Variants in PIK3CB observed in about 807,000 individuals in gnomAD.
The protein encoded by PIK3CB is phosphatidylinositol-4,5-bisphosphate 3-kinase catalytic subunit beta.
PIK3CB carries 39 observed loss-of-function variants against 136.8 expected under a neutral mutation model. The observed-to-expected ratio is 0.29, with a 90% CI of 0.22 to 0.37. PIK3CB has a LOEUF of 0.37. Ranked by LOEUF, PIK3CB falls within the 10% of genes least tolerant of loss-of-function variation. The probability of loss-of-function intolerance (pLI) is 1.00; values close to 1 mark genes in which losing one functional copy is unlikely to be tolerated. For synonymous variants in PIK3CB, 428 were observed against 436.6 expected (o/e 0.98, Z 0.25); for missense variants, 868 against 1,275.4 (o/e 0.68, Z 4.87).
intron 4 of PIK3CB, among the ~76,000 whole-genome samples, chr3:138,750,271 G>A (rs1225521942): frequency 1.3e-5 from 2 of 151,610 alleles, no homozygotes; most frequent in Non-Finnish European, 2.9e-5. Flanking sequence ...ATTTCTTTGT[G>A]AAGAGAACAT....
chr3:138,823,523 T>C (rs1933652995), intron 1 of PIK3CB, among the ~76,000 whole-genome samples: 2 of 151,642 alleles, frequency 1.3e-5, no homozygotes, highest in Non-Finnish European at 2.9e-5. Flanking sequence ...GGCAACATGG[T>C]GAAACCTCGT....
chr3:138,753,325 A>G (rs1394614320), intron 4 of PIK3CB, among the ~76,000 whole-genome samples: 1 of 152,178 alleles, frequency 6.6e-6, no homozygotes, highest in Non-Finnish European at 1.5e-5. Flanking sequence ...GTTTGAGACC[A>G]GCCTGTCCAA....
chr3:138,800,449 A>G (rs970207419), intron 1 of PIK3CB, among the ~76,000 whole-genome samples: 4 of 150,862 alleles, frequency 2.7e-5, no homozygotes, highest in African/African-American at 9.8e-5. Context: ...CAGCCTCTTG[A>G]GTAGCTGGGA....
Position 138,698,914 on chromosome 3 carries a change from A to G in PIK3CB, c.1763T>C (p.Val588Ala). 6.3e-7 allele frequency: 1 copy of G among 1,588,006 alleles called. No homozygotes were observed. Among genetic ancestry groups the G allele is most frequent in the Non-Finnish European group, 8.6e-7 (1 of 1,162,336 alleles). ...GAAACGATCTTTTGTTACCTGAGCAACATCCTCAAGTTTATTCCACTTGAT... is the reference window on the plus strand; with the variant it reads ...GAAACGATCTTTTGTTACCTGAGCAGCATCCTCAAGTTTATTCCACTTGAT... ...LSIKWNKLED[V>A]AQLQALLQIW... The change falls in exon 13 of 24, where the codon GTT becomes GCT. Residue 588 changes from valine to alanine, a missense_variant. Around this residue, in one of 4 missense-constraint regions of PIK3CB, gnomAD observed 612 missense variants for 801.1 expected, o/e 0.76. Coordinates refer to ENST00000674063, the MANE Select transcript of PIK3CB (RefSeq NM_006219.3).
At position 138,682,139 on chromosome 3, in the gene PIK3CB, T is replaced by A. The variant is rs2043795304; in HGVS notation, c.2426-94A>T. 1 of 712,100 alleles carries A rather than the reference T, an allele frequency of 1.4e-6. No homozygotes were observed. The highest frequency in any genetic ancestry group is 2.7e-5 in the East Asian group (1 of 36,926). The allele number at this position is 712,100 out of a possible 1,614,324, so 44.1% of individuals were successfully genotyped here. ...ACTAACTCAGAATTAACTAAAAACATTAACAAACTCTGTGCTAATATTTTC... is the reference window on the plus strand; with the variant it reads ...ACTAACTCAGAATTAACTAAAAACAATAACAAACTCTGTGCTAATATTTTC... On this transcript the variant is annotated intron_variant, in intron 18 of 23. Coordinates refer to ENST00000674063, the MANE Select transcript of PIK3CB (RefSeq NM_006219.3).
At chr3:138,791,055 G>A (rs1172479427) in intron 2 of PIK3CB, among the ~76,000 whole-genome samples, 1 of 151,968 alleles carries the variant, frequency 6.6e-6, no homozygotes, top group Non-Finnish European at 1.5e-5. Flanking sequence ...CTTTTTCAAC[G>A]CTTCCTACCT....
At chr3:138,776,286 C>T (rs1053343040) in intron 2 of PIK3CB, among the ~76,000 whole-genome samples, 2 of 152,204 alleles carry the variant, frequency 1.3e-5, no homozygotes, top group Non-Finnish European at 2.9e-5. Flanking sequence ...TGTTTCCTGA[C>T]TGAACGTAGC....
chr3:138,681,149 C>A (rs939402354), intron 19 of PIK3CB, among the ~76,000 whole-genome samples: 3 of 148,466 alleles, frequency 2.0e-5, no homozygotes, highest in Non-Finnish European at 4.4e-5. Context: ...CGGGTTTAAG[C>A]GATTCTCATG....
rs770993317 is a variant in PIK3CB at position 138,657,770 on chromosome 3, C to T, written c.2862G>A (p.Glu954=). 4 of 1,610,046 alleles carry T rather than the reference C, an allele frequency of 2.5e-6. No individual in the cohort carries two copies. In the South Asian group the frequency reaches 3.3e-5, roughly 13 times the overall value. The change falls in exon 22 of 24, where the codon GAG becomes GAA. Residue 954 remains glutamate (E), a synonymous_variant. Coordinates refer to ENST00000674063, the MANE Select transcript of PIK3CB (RefSeq NM_006219.3). ...NFKSKFGIKR[E]RVPFILTYDF... Reference sequence around the variant, plus strand: ...CATAGGTAAGAATAAAAGGCACTCGCTCCCTTTTAATGCCAAACTTAGATT... The same window carrying T: ...CATAGGTAAGAATAAAAGGCACTCGTTCCCTTTTAATGCCAAACTTAGATT...
chr3:138,793,824 A>T (rs954921680), intron 2 of PIK3CB, among the ~76,000 whole-genome samples: 6 of 152,202 alleles, frequency 3.9e-5, no homozygotes, highest in Non-Finnish European at 8.8e-5. Context: ...GTTTGAAAAC[A>T]GCCTGAGCAA....
chr3:138,832,014 G>A (rs536101889), intron 1 of PIK3CB, among the ~76,000 whole-genome samples: 5 of 152,180 alleles, frequency 3.3e-5, no homozygotes, highest in Admixed American at 6.5e-5. Flanking sequence ...AAACCAAGAG[G>A]TGACTTCTGA....
At chr3:138,824,623 G>A (rs1933700620) in intron 1 of PIK3CB, among the ~76,000 whole-genome samples, 1 of 151,922 alleles carries the variant, frequency 6.6e-6, no homozygotes. Flanking sequence ...AACCCGGGAG[G>A]CGGAGGTTGC....
At chr3:138,773,687 T>C (rs1008957810) in intron 2 of PIK3CB, among the ~76,000 whole-genome samples, 1 of 152,196 alleles carries the variant, frequency 6.6e-6, no homozygotes, top group Non-Finnish European at 1.5e-5. Flanking sequence ...ACTCTTCAGA[T>C]TTCTAGTTTT....
intron 8 of PIK3CB, among the ~76,000 whole-genome samples, chr3:138,722,046 T>C (rs2044736100): frequency 6.6e-6 from 1 of 152,078 alleles, no homozygotes; most frequent in South Asian, 2.1e-4. Flanking sequence ...AAGCAGACAG[T>C]CAAATATGTA....
chr3:138,667,585 A>G lies in PIK3CB; in HGVS notation c.2505-2382T>C, dbSNP rs2043440960. Among the ~76,000 whole-genome samples, 3 of 151,040 alleles carry G rather than the reference A, an allele frequency of 2.0e-5. No homozygotes were observed. The South Asian group carries it at 6.3e-4, about 32-fold the overall frequency. On this transcript the variant is annotated intron_variant, in intron 19 of 23. Coordinates refer to ENST00000674063, the MANE Select transcript of PIK3CB (RefSeq NM_006219.3). Reference sequence around the variant, plus strand: ...TATTTATTTATTTATTTTTTGAGACAGAGTCTCGCTCTGTCGCCCAGGCTG... The same window carrying G: ...TATTTATTTATTTATTTTTTGAGACGGAGTCTCGCTCTGTCGCCCAGGCTG...
At chr3:138,810,535 T>TAA (rs1171252104) in intron 1 of PIK3CB, among the ~76,000 whole-genome samples, 1 of 143,862 alleles carries the variant, frequency 7.0e-6, no homozygotes, top group East Asian at 2.0e-4. Flanking sequence ...GTCTAATCAT[T>TAA]AAAAAAAAAA....
At chr3:138,660,622 A>C (rs533194598) in intron 21 of PIK3CB, among the ~76,000 whole-genome samples, 21 of 152,170 alleles carry the variant, frequency 1.4e-4, no homozygotes, top group Non-Finnish European at 2.6e-4. Context: ...AGTTCAACAG[A>C]TCTGTCTTAC....
intron 16 of PIK3CB, among the ~76,000 whole-genome samples, chr3:138,685,396 C>CAAAA (rs398052626): frequency 4.9e-3 from 286 of 57,910 alleles, no homozygotes; most frequent in Non-Finnish European, 6.1e-3. Context: ...GAAACTGTCT[C>CAAAA]AAAAAAAAAA....
intron 8 of PIK3CB, among the ~76,000 whole-genome samples, chr3:138,730,942 T>C (rs2044959172): frequency 6.6e-6 from 1 of 151,912 alleles, no homozygotes; most frequent in African/African-American, 2.4e-5. Flanking sequence ...AATAAATAAT[T>C]TTTTTAAAAA....
Sources: allele counts gnomAD v4.1 joint callset (sites outside exome capture counted in the v4.1 genomes callset), GRCh38; gene constraint gnomAD v4.1.1; regional missense constraint gnomAD v4.1.1; transcripts MANE v1.5; gene names NCBI Gene and HGNC (gene_info 2026-07-23, HGNC 2026-07-21).